The following UTY variants were observed in gnomAD, a reference collection of about 807,000 sequenced individuals.
UTY encodes histone demethylase UTY.
In UTY, 12 loss-of-function variants were observed where a neutral mutation model predicts 32.5. That is an observed-to-expected ratio of 0.37 (90% CI 0.24 to 0.60). UTY has a LOEUF of 0.60. UTY is among the 20% of genes least tolerant of loss of function. UTY has a pLI of 0.69. For missense variants in UTY, 303 were observed against 299.2 expected (o/e 1.01, Z -0.09); for synonymous variants, 131 against 103.4 (o/e 1.27, Z -1.62).
intron 4 of UTY, among the ~76,000 whole-genome samples, chrY:13,446,619 T>TAGACAGACAGACAGAC: frequency 8.1e-3 from 115 of 14,262 alleles, no homozygotes; most frequent in Middle Eastern, 0.054. Flanking sequence ...GATAGATAGA[T>TAGACAGACAGACAGAC]AGACAGACAG....
chrY:13,356,883 A>C (rs2062991275), intron 15 of UTY, among the ~76,000 whole-genome samples: 2 of 31,874 alleles, frequency 6.3e-5, no homozygotes, highest in African/African-American at 1.2e-4. Flanking sequence ...GTTTTAGTTA[A>C]ATGTATTATG....
chrY:13,298,903 C>A, intron 26 of UTY, 54 bp downstream of exon 26: 1 of 292,522 alleles, frequency 3.4e-6, no homozygotes, highest in South Asian at 3.7e-5. Flanking sequence ...AAAATAATAC[C>A]TACTAGGTAA....
At chrY:13,356,286 G>GGAGGCATGTGCCACCATGA (rs2062895765) in intron 15 of UTY, among the ~76,000 whole-genome samples, 1 of 31,912 alleles carries the variant, frequency 3.1e-5, no homozygotes, top group African/African-American at 1.2e-4. Context: ...CTTCTGAGTA[G>GGAGGCATGTGCCACCATGA]CTGGGACTAC....
chrY:13,251,321 A>G (rs2054147416), intron 28 of UTY, 134 bp from the exon 29 acceptor site: 1 of 137,588 alleles, frequency 7.3e-6, no homozygotes, highest in Non-Finnish European at 1.2e-5. Flanking sequence ...TACTTAAAAA[A>G]ACAAAACAAG....
chrY:13,295,592 C>T, intron 27 of UTY, among the ~76,000 whole-genome samples: 1 of 33,857 alleles, frequency 3.0e-5, no homozygotes, highest in African/African-American at 1.2e-4. Context: ...ACTCGAAAGT[C>T]CAGTCTCACC....
At chrY:13,322,527 G>A (rs2059900137) in intron 21 of UTY, among the ~76,000 whole-genome samples, 2 of 33,148 alleles carry the variant, frequency 6.0e-5, no homozygotes, top group African/African-American at 2.4e-4. Context: ...CAAGTGATCC[G>A]CCTGCCTCAG....
At chrY:13,454,878 A>C (rs753856009) in intron 3 of UTY, among the ~76,000 whole-genome samples, 5 of 24,724 alleles carry the variant, frequency 2.0e-4, no homozygotes, top group Admixed American at 7.9e-4. Flanking sequence ...CCGAGGTTGC[A>C]GTGAGTCAGA....
intron 10 of UTY, among the ~76,000 whole-genome samples, chrY:13,363,016 G>A (rs2063709520): frequency 9.5e-5 from 3 of 31,684 alleles, no homozygotes; most frequent in South Asian, 7.1e-4. Context: ...TGATTCTCCC[G>A]CCTCAGCCTC....
At chrY:13,339,834 C>T in intron 17 of UTY, among the ~76,000 whole-genome samples, 2 of 33,001 alleles carry the variant, frequency 6.1e-5, no homozygotes, top group South Asian at 6.7e-4. Flanking sequence ...AATTAAGGTA[C>T]GCTCCTGGCT....
intron 17 of UTY, among the ~76,000 whole-genome samples, chrY:13,343,610 C>G: frequency 3.0e-5 from 1 of 33,117 alleles, no homozygotes; most frequent in Non-Finnish European, 7.4e-5. Flanking sequence ...TATGATACTT[C>G]AGATATGAAG....
At position 13,374,737 on chromosome Y, in the gene UTY, G is replaced by A. The variant is rs376880168; in HGVS notation, c.646-5388C>T. ...AGAATAGTATTAGTAACAAAGATCC[G>A]GGCAGTAGGTGTGCTTGCTAATAGT... On this transcript the variant is annotated intron_variant, in intron 8 of 29. Coordinates refer to ENST00000545955, the MANE Select transcript of UTY (RefSeq NM_001258249.2). Among the ~76,000 whole-genome samples, 179 of 33,420 alleles carry A rather than the reference G, an allele frequency of 5.4e-3. No homozygotes were observed. The South Asian group carries it at 0.11, about 21-fold the overall frequency. The allele number at this position is 33,420 out of a possible 37,273, so 89.7% of individuals were successfully genotyped here. A position where few individuals can be genotyped will look rare whatever the true frequency, so the allele number is the denominator to read the frequency against.
intron 4 of UTY, among the ~76,000 whole-genome samples, chrY:13,429,312 T>A: frequency 3.0e-5 from 1 of 33,594 alleles, no homozygotes; most frequent in African/African-American, 1.2e-4. Context: ...TCTGTCATAT[T>A]CAGCCTTTAT....
intron 27 of UTY, 59 bp downstream of exon 27, chrY:13,297,648 T>C: frequency 1.5e-5 from 6 of 395,559 alleles, no homozygotes; most frequent in Non-Finnish European, 2.1e-5. Flanking sequence ...TTGAAAAAAA[T>C]ACTGAATGGC....
rs1603322373 is a variant in UTY, at chrY:13,292,178, C to T, written c.4010+5529G>A. On this transcript the variant is annotated intron_variant, in intron 27 of 29. Coordinates refer to ENST00000545955, the MANE Select transcript of UTY (RefSeq NM_001258249.2). The stretch of plus-strand genomic sequence containing the variant: ...AAGATATTCAGAAACAGGCCGGGTG[C>T]GGTGGCTCACATCTGTAATTCCAGA... 9.2e-5 allele frequency among the ~76,000 whole-genome samples: 3 copies of T among 32,504 alleles called. No homozygotes were observed. The East Asian group carries it at 2.4e-3, about 26-fold the overall frequency. 87.2% of individuals were successfully genotyped at this position (32,504 alleles called of 37,273 possible).
chrY:13,436,967 G>GACACAC (rs774903488), intron 4 of UTY, among the ~76,000 whole-genome samples: 11 of 24,144 alleles, frequency 4.6e-4, no homozygotes, highest in South Asian at 2.1e-3. Flanking sequence ...AAGCAAAAGA[G>GACACAC]ACACACACAC....
chrY:13,356,399 C>G, intron 15 of UTY, among the ~76,000 whole-genome samples: 2 of 30,625 alleles, frequency 6.5e-5, no homozygotes, highest in Non-Finnish European at 1.6e-4. Flanking sequence ...TTGTGATCCG[C>G]CTGCCTTGGC....
chrY:13,247,151 G>A (rs2053958667), downstream of UTY, among the ~76,000 whole-genome samples: 1 of 32,719 alleles, frequency 3.1e-5, no homozygotes, highest in Admixed American at 2.8e-4. Context: ...GGTAGGGTCA[G>A]CTTGAGCAAC....
intron 28 of UTY, among the ~76,000 whole-genome samples, chrY:13,255,045 A>G: frequency 3.0e-5 from 1 of 33,436 alleles, no homozygotes; most frequent in African/African-American, 1.2e-4. Context: ...AGCACTGGCC[A>G]TCCACGTGCC....
intron 27 of UTY, among the ~76,000 whole-genome samples, chrY:13,263,588 G>A (rs2055466445): frequency 3.0e-5 from 1 of 33,651 alleles, no homozygotes. Flanking sequence ...TCACAAAAAT[G>A]TAGTGTTGAC....
Sources: allele counts gnomAD v4.1 joint callset (sites outside exome capture counted in the v4.1 genomes callset), GRCh38; gene constraint gnomAD v4.1.1; transcripts MANE v1.5; gene names NCBI Gene and HGNC (gene_info 2026-07-23, HGNC 2026-07-21).